Variants in CHST11 observed in about 807,000 individuals in gnomAD.
CHST11 encodes the protein C4S-1.
In CHST11, 9 loss-of-function variants were observed where a neutral mutation model predicts 30.4. The observed-to-expected ratio is 0.30, with a 90% CI of 0.18 to 0.52. The LOEUF is 0.52. Among genes scored for constraint, CHST11 ranks in the 20% least tolerant of loss-of-function variants. The pLI is 0.97. For missense variants in CHST11, 348 were observed against 460.6 expected (o/e 0.76, Z 2.24); for synonymous variants, 152 against 187.8 (o/e 0.81, Z 1.56).
chr12:104,736,257 A>G (rs944124017), intron 2 of CHST11, among the ~76,000 whole-genome samples: 4 of 152,154 alleles, frequency 2.6e-5, no homozygotes, highest in African/African-American at 9.7e-5. Context: ...CATTCCATGG[A>G]GAAGGAACAG....
intron 2 of CHST11, among the ~76,000 whole-genome samples, chr12:104,694,676 G>GT (rs1246767785): frequency 6.6e-6 from 1 of 152,168 alleles, no homozygotes; most frequent in East Asian, 1.9e-4. Context: ...GAACGAGGCA[G>GT]AGGGGACATG....
intron 2 of CHST11, among the ~76,000 whole-genome samples, chr12:104,703,265 G>A (rs891684924): frequency 5.9e-5 from 9 of 152,110 alleles, no homozygotes; most frequent in Non-Finnish European, 1.0e-4. Flanking sequence ...CGGGCCTCTC[G>A]GACCCCAGAC....
At chr12:104,507,905 C>T (rs2037922468) in intron 1 of CHST11, among the ~76,000 whole-genome samples, 1 of 152,208 alleles carries the variant, frequency 6.6e-6, no homozygotes, top group Non-Finnish European at 1.5e-5. Context: ...AGCATCAAGG[C>T]TCCTGGCAGA....
chr12:104,480,360 G>A (rs1487902181), intron 1 of CHST11, among the ~76,000 whole-genome samples: 5 of 152,030 alleles, frequency 3.3e-5, no homozygotes, highest in African/African-American at 7.3e-5. Flanking sequence ...GGTGGATCAC[G>A]AGGTCAGGAG....
At chr12:104,639,725 G>A (rs1292272724) in intron 2 of CHST11, among the ~76,000 whole-genome samples, 4 of 152,294 alleles carry the variant, frequency 2.6e-5, no homozygotes, top group South Asian at 2.1e-4. Flanking sequence ...ATGATCTGAG[G>A]GAGTAGTGTT....
chr12:104,509,731 A>T (rs1217867879), intron 1 of CHST11, among the ~76,000 whole-genome samples: 1 of 152,240 alleles, frequency 6.6e-6, no homozygotes, highest in Non-Finnish European at 1.5e-5. Context: ...ATGGATAGGC[A>T]TATGCTAGCA....
intron 2 of CHST11, among the ~76,000 whole-genome samples, chr12:104,746,940 C>T (rs1317067367): frequency 1.3e-5 from 2 of 152,192 alleles, no homozygotes; most frequent in African/African-American, 4.8e-5. Context: ...TGAAAAGTCC[C>T]CTATCTTAAA....
intron 2 of CHST11, among the ~76,000 whole-genome samples, chr12:104,693,731 G>T (rs1347637571): frequency 6.6e-6 from 1 of 152,216 alleles, no homozygotes; most frequent in Non-Finnish European, 1.5e-5. Flanking sequence ...CAACTAAGAT[G>T]AGATTGATGG....
intron 2 of CHST11, among the ~76,000 whole-genome samples, chr12:104,704,255 C>T (rs1211933328): frequency 6.6e-6 from 1 of 152,226 alleles, no homozygotes; most frequent in African/African-American, 2.4e-5. Flanking sequence ...TCCCTGGGGC[C>T]TAACCCTTGC....
chr12:104,518,807 T>C (rs1253530775), intron 1 of CHST11, among the ~76,000 whole-genome samples: 4 of 152,200 alleles, frequency 2.6e-5, no homozygotes, highest in Non-Finnish European at 5.9e-5. Flanking sequence ...ATTTATTTTT[T>C]ATCTGTGATC....
rs1486730780 is a variant in CHST11 at position 104,710,523 on chromosome 12, C to G, written c.205-46426C>G. On this transcript the variant is annotated intron_variant, in intron 2 of 2. Transcript: ENST00000303694. ...TATACCCTTCCAGGGGACCCCTCCT[C>G]CTGGACAGGCCCAAGCATGACCCCT... 7.9e-5 allele frequency among the ~76,000 whole-genome samples: 12 copies of G among 152,266 alleles called. 1 individual carries two copies. The highest frequency in any genetic ancestry group is 1.3e-4 in the Non-Finnish European group (9 of 68,002).
intron 1 of CHST11, among the ~76,000 whole-genome samples, chr12:104,471,568 A>G (rs1338794458): frequency 6.6e-6 from 1 of 152,190 alleles, no homozygotes; most frequent in Non-Finnish European, 1.5e-5. Flanking sequence ...GGGATCTGCT[A>G]ATTTGGTTTG....
At position 104,541,130 on chromosome 12, in the gene CHST11, TCACACACACACA is replaced by T. The variant is rs71069763; in HGVS notation, c.119-60757_119-60746del. ...GAATCTCTCCCTCTCTCTCTCTCTCTCACACACACACACACACACACACACACACATTTTAAA... is the reference window on the plus strand; with the variant it reads ...GAATCTCTCCCTCTCTCTCTCTCTCTCACACACACACACACACATTTTAAA... On this transcript the variant is annotated intron_variant, in intron 1 of 2. Coordinates refer to ENST00000303694, the MANE Select transcript of CHST11 (RefSeq NM_018413.6). 2.8e-4 allele frequency among the ~76,000 whole-genome samples: 41 copies of T among 146,678 alleles called. No individual in the cohort carries two copies. In the South Asian group the frequency reaches 7.5e-3, roughly 27 times the overall value.
At chr12:104,665,569 A>G (rs1436440065) in intron 2 of CHST11, among the ~76,000 whole-genome samples, 1 of 152,104 alleles carries the variant, frequency 6.6e-6, no homozygotes, top group Non-Finnish European at 1.5e-5. Context: ...CTGAGTATTA[A>G]CTTAGTTCAT....
intron 1 of CHST11, among the ~76,000 whole-genome samples, chr12:104,541,199 C>T (rs1053269269): frequency 6.6e-6 from 1 of 152,058 alleles, no homozygotes; most frequent in African/African-American, 2.4e-5. Flanking sequence ...CGCTGTGCTT[C>T]TTTTGTGATT....
At chr12:104,700,463 C>G (rs182872886) in intron 2 of CHST11, among the ~76,000 whole-genome samples, 20 of 152,220 alleles carry the variant, frequency 1.3e-4, no homozygotes, top group African/African-American at 4.3e-4. Flanking sequence ...TCTTCAAAAT[C>G]CAATCATCTA....
intron 1 of CHST11, chr12:104,514,366 TG>T: frequency 1.1e-6 from 1 of 935,808 alleles, no homozygotes; most frequent in Non-Finnish European, 1.8e-6. Context: ...TATGCCATTC[TG>T]GGCTTTGCCC....
chr12:104,611,602 C>T (rs1360806226), intron 2 of CHST11, among the ~76,000 whole-genome samples: 1 of 152,208 alleles, frequency 6.6e-6, no homozygotes, highest in African/African-American at 2.4e-5. Flanking sequence ...TCCTGTGCCT[C>T]ATGTGACTTC....
intron 2 of CHST11, among the ~76,000 whole-genome samples, chr12:104,704,167 A>C (rs942560614): frequency 2.0e-5 from 3 of 152,182 alleles, no homozygotes; most frequent in Non-Finnish European, 2.9e-5. Flanking sequence ...TGTGAGAGAA[A>C]GGTGACAGCC....
Sources: allele counts gnomAD v4.1 joint callset (sites outside exome capture counted in the v4.1 genomes callset), GRCh38; gene constraint gnomAD v4.1.1; transcripts MANE v1.5; gene names NCBI Gene and HGNC (gene_info 2026-07-23, HGNC 2026-07-21).